TEP1: variants seen among roughly 807,000 people sequenced by gnomAD.
TEP1 encodes telomerase associated protein 1, also known as telomerase protein component 1.
Under a neutral mutation model 306.3 loss-of-function variants are expected in TEP1, and 241 were observed. The observed-to-expected ratio is 0.79, with a 90% CI of 0.71 to 0.88. The LOEUF (loss-of-function observed/expected upper bound fraction) is 0.88, where lower values mean the gene tolerates loss of function less well. Ranked by LOEUF, TEP1 falls within the 40% of genes least tolerant of loss-of-function variation. The probability of loss-of-function intolerance (pLI) is 0.00; values close to 1 mark genes in which losing one functional copy is unlikely to be tolerated. For missense variants in TEP1, 3,051 were observed against 3,276.1 expected (o/e 0.93, Z 1.68); for synonymous variants, 1,289 against 1,305.5 (o/e 0.99, Z 0.27).
Position 20,368,335 on chromosome 14 carries a change from T to G in TEP1, c.*102A>C, listed in dbSNP as rs184339147. 7.3e-4 allele frequency: 1,000 copies of G among 1,361,606 alleles called. 11 individuals carry two copies. In the African/African-American group the frequency reaches 0.013, roughly 18 times the overall value. The allele number at this position is 1,361,606 out of a possible 1,614,324, so 84.3% of individuals were successfully genotyped here. On this transcript the variant is annotated 3_prime_UTR_variant, in exon 55 of 55. Coordinates refer to ENST00000262715, the MANE Select transcript of TEP1 (RefSeq NM_007110.5). ...ATTTTTTGACACTTCATTTTTATAATTATCAAGAAATTATTAATTTTATAA... is the reference window on the plus strand; with the variant it reads ...ATTTTTTGACACTTCATTTTTATAAGTATCAAGAAATTATTAATTTTATAA...
intron 10 of TEP1, 101 bp from the exon 11 acceptor site, chr14:20,396,050 A>G: frequency 1.4e-6 from 1 of 737,232 alleles, no homozygotes; most frequent in Non-Finnish European, 2.2e-6. Flanking sequence ...ACAGAAGGAC[A>G]AAATGAACTT....
In TEP1 at chr14:20,383,976, C is replaced by T. The variant is rs116544464; in HGVS notation, c.3535-58G>A. The T allele has an allele frequency of 1.7e-3, 2,641 of 1,585,506 alleles. 29 individuals are homozygous for T. The African/African-American group carries it at 0.029, about 17-fold the overall frequency. On this transcript the variant is annotated intron_variant, in intron 24 of 54. Coordinates refer to ENST00000262715, the MANE Select transcript of TEP1 (RefSeq NM_007110.5). ...ATTTTACATGCCTGAGCTCCCTGTG[C>T]CTTACCTCCTTAGCCCACACAGCCT...
Position 20,393,763 on chromosome 14 carries a change from C to T in TEP1, c.1928+1687G>A, listed in dbSNP as rs185918146. Among the ~76,000 whole-genome samples the T allele has an allele frequency of 2.5e-4, 36 of 144,480 alleles. No individual in the cohort carries two copies. In the East Asian group the frequency reaches 4.3e-3, roughly 17 times the overall value. 94.8% of individuals were successfully genotyped at this position (144,480 alleles called of 152,430 possible). ...GCTGAGATCACACCAGCCTGGGTGA[C>T]GAAGTGGGACTTTGTCTCAATTAAA... On this transcript the variant is annotated intron_variant, in intron 12 of 54. Coordinates refer to ENST00000262715, the MANE Select transcript of TEP1 (RefSeq NM_007110.5).
At chr14:20,408,796 A>G (rs1879407355) in intron 1 of TEP1, among the ~76,000 whole-genome samples, 1 of 151,978 alleles carries the variant, frequency 6.6e-6, no homozygotes. Context: ...GTGAAACCTC[A>G]TCTCTACAAA....
chr14:20,405,431 C>T lies in TEP1; in HGVS notation c.870+20G>A. The T allele has an allele frequency of 1.2e-6, 2 of 1,613,252 alleles. No homozygotes were observed. The highest frequency in any genetic ancestry group is 1.7e-6 in the Non-Finnish European group (2 of 1,179,634). Reference sequence around the variant, plus strand: ...GTCTACCAGCTTCACACCCCCATCCCCTCCTTCACACCTCAATACCTTGAG... The same window carrying T: ...GTCTACCAGCTTCACACCCCCATCCTCTCCTTCACACCTCAATACCTTGAG... On this transcript the variant is annotated intron_variant, in intron 4 of 54. Transcript: ENST00000262715.
Position 20,385,128 on chromosome 14 carries a change from C to G in TEP1, c.2983-19G>C. The G allele has an allele frequency of 6.2e-7, 1 of 1,613,482 alleles. No homozygotes were observed. Among genetic ancestry groups the G allele is most frequent in the Admixed American group, 1.7e-5 (1 of 60,006 alleles). On this transcript the variant is annotated intron_variant, in intron 20 of 54. Coordinates refer to ENST00000262715, the MANE Select transcript of TEP1 (RefSeq NM_007110.5). ...GCTGGGCCTGCGGGGAGGACAGAGA[C>G]AGTGAGTTTAGTCCTAGGCCACAAT...
chr14:20,405,479 G>C lies in TEP1; in HGVS notation c.842C>G (p.Ala281Gly). Residue 281 changes from alanine (A) to glycine (G), a missense_variant, in exon 4 of 55, where the codon GCC becomes GGC. Coordinates refer to ENST00000262715, the MANE Select transcript of TEP1 (RefSeq NM_007110.5). ...GAGGATAAACTCAGGCTCCAGGAGG[G>C]CAAGTTCACGACAGATTTCAAAAAT... ...AAIFEICREL[A>G]LLEPEFILKA... is the part of the protein sequence containing the mutation. 1.2e-6 allele frequency: 2 copies of C among 1,614,088 alleles called. No homozygotes were observed. The highest frequency in any genetic ancestry group is 1.7e-6 in the Non-Finnish European group (2 of 1,180,002).
rs967060423 is a variant in TEP1, at chr14:20,367,488, C to T, written c.*949G>A. 2 of 152,068 alleles carry T rather than the reference C, an allele frequency of 1.3e-5. No individual in the cohort carries two copies. The highest frequency in any genetic ancestry group is 1.9e-4 in the East Asian group (1 of 5,182). The allele number at this position is 152,068 out of a possible 1,614,324, so 9.4% of individuals were successfully genotyped here. A position where few individuals can be genotyped will look rare whatever the true frequency, so the allele number is the denominator to read the frequency against. On this transcript the variant is annotated 3_prime_UTR_variant, in exon 55 of 55. Transcript: ENST00000262715. ...AATTTGAGAGAGAGTAAGACACTTTCGTGATCTCTTCTGAGAATGCCAATT... is the reference window on the plus strand; with the variant it reads ...AATTTGAGAGAGAGTAAGACACTTTTGTGATCTCTTCTGAGAATGCCAATT...
chr14:20,386,344 C>T, intron 19 of TEP1, 103 bp downstream of exon 19: 1 of 1,577,682 alleles, frequency 6.3e-7, no homozygotes, highest in Admixed American at 1.9e-5. Context: ...CGACTCCCGC[C>T]TTCACCCTCA....
At position 20,384,727 on chromosome 14, in the gene TEP1, A is replaced by G; in HGVS notation, c.3108-14T>C. ...TCTGGCACAGAGCTGACCACCAAAG[A>G]CCCCAAAAGTTGGAATAGACTCAGA... On this transcript the variant is annotated splice_polypyrimidine_tract_variant and intron_variant, in intron 21 of 54. Transcript: ENST00000262715. 6.2e-7 allele frequency: 1 copy of G among 1,606,578 alleles called. No homozygotes were observed. Among genetic ancestry groups the G allele is most frequent in the East Asian group, 2.2e-5 (1 of 44,840 alleles).
Position 20,376,138 on chromosome 14 carries a change from T to G in TEP1, c.6215A>C (p.Asp2072Ala), listed in dbSNP as rs1885162654. The G allele has an allele frequency of 6.2e-7, 1 of 1,614,004 alleles. No individual in the cohort carries two copies. Among genetic ancestry groups the G allele is most frequent in the Non-Finnish European group, 8.5e-7 (1 of 1,180,028 alleles). The change falls in exon 42 of 55, where the codon GAT (aspartate) becomes GCT (alanine). Residue 2072 changes from aspartate to alanine, a missense_variant. Around this residue, in one of 3 missense-constraint regions of TEP1, gnomAD observed 1,540 missense variants for 1,705.9 expected, o/e 0.90. Coordinates refer to ENST00000262715, the MANE Select transcript of TEP1 (RefSeq NM_007110.5). ...GCCCCCGGTGGCCAGGCTGCCTCCA[T>G]CAGTGCTGAAACTACAGCAGCTCAC... The part of the protein sequence containing the change: ...GPVSCCSFST[D>A]GGSLATGGRD...
intron 43 of TEP1, among the ~76,000 whole-genome samples, chr14:20,375,238 C>T (rs1036315038): frequency 9.9e-5 from 15 of 151,994 alleles, no homozygotes; most frequent in African/African-American, 4.8e-5. Flanking sequence ...AATGGCGCGA[C>T]CTCTGCCTCC....
At chr14:20,397,776 C>T (rs1281045759) in intron 9 of TEP1, among the ~76,000 whole-genome samples, 2 of 151,094 alleles carry the variant, frequency 1.3e-5, no homozygotes, top group Non-Finnish European at 2.9e-5. Flanking sequence ...TTTTTTGAGA[C>T]GGAGTCTCAC....
In TEP1 at chr14:20,384,310, G is replaced by A. The variant is rs1017615185; in HGVS notation, c.3340-78C>T. On this transcript the variant is annotated intron_variant, in intron 23 of 54. Coordinates refer to ENST00000262715, the MANE Select transcript of TEP1 (RefSeq NM_007110.5). ...CCAGGCTAAAACTCACAGAGCCCCC[G>A]CCAAGCTACTTCCTCCCCAGGACAA... 25 of 1,608,082 alleles carry A rather than the reference G, an allele frequency of 1.6e-5. 1 individual carries two copies. Among genetic ancestry groups the A allele is most frequent in the Middle Eastern group, 1.7e-4 (1 of 6,054 alleles).
rs760377398 is a variant in TEP1 at position 20,384,192 on chromosome 14, T to C, written c.3380A>G (p.Asp1127Gly). The change falls in exon 24 of 55, where the codon GAT (aspartate) becomes GGT (glycine). Residue 1127 changes from aspartate (D) to glycine (G), a missense_variant. By Grantham distance (94) the Asp-to-Gly change is moderately conservative (BLOSUM62 -1). Coordinates refer to ENST00000262715, the MANE Select transcript of TEP1 (RefSeq NM_007110.5). ...LLEQPVSIPDDDLVQATFQQL... is the reference protein window; with the variant it reads ...LLEQPVSIPDGDLVQATFQQL... ...CTGGAAGGTGGCCTGGACCAAGTCATCGTCTGGGATGGACACTGGCTGCTC... is the reference window on the plus strand; with the variant it reads ...CTGGAAGGTGGCCTGGACCAAGTCACCGTCTGGGATGGACACTGGCTGCTC... 7.4e-6 allele frequency: 12 copies of C among 1,614,042 alleles called. No homozygotes were observed. In the African/African-American group the frequency reaches 1.1e-4, roughly 14 times the overall value.
rs780821432 is a variant in TEP1 at position 20,368,767 on chromosome 14, C to CAT, written c.7761+30_7761+31insAT. 67 of 1,096,154 alleles carry CAT rather than the reference C, an allele frequency of 6.1e-5. No homozygotes were observed. The African/African-American group carries it at 1.1e-3, about 17-fold the overall frequency. 67.9% of individuals were successfully genotyped at this position (1,096,154 alleles called of 1,614,324 possible). On this transcript the variant is annotated intron_variant, in intron 54 of 54. Transcript: ENST00000262715. Reference sequence around the variant, plus strand: ...TGGGATAGGTGTGCAGGCGCACGCACACACACACACACACACACACACACA... The same window carrying CAT: ...TGGGATAGGTGTGCAGGCGCACGCACATACACACACACACACACACACACACA...
At chr14:20,396,347 A>C (rs1412151223) in intron 10 of TEP1, among the ~76,000 whole-genome samples, 2 of 152,244 alleles carry the variant, frequency 1.3e-5, no homozygotes. Context: ...GTTACATCAC[A>C]CAAGTGTCTC....
At position 20,373,913 on chromosome 14, in the gene TEP1, G is replaced by A. The variant is rs930156878; in HGVS notation, c.6472-103C>T. 32 of 1,457,812 alleles carry A rather than the reference G, an allele frequency of 2.2e-5. No individual in the cohort carries two copies. The African/African-American group carries it at 4.2e-4, about 19-fold the overall frequency. 90.3% of individuals were successfully genotyped at this position (1,457,812 alleles called of 1,614,324 possible). A position where few individuals can be genotyped will look rare whatever the true frequency, so the allele number is the denominator to read the frequency against. On this transcript the variant is annotated intron_variant, in intron 44 of 54. Coordinates refer to ENST00000262715, the MANE Select transcript of TEP1 (RefSeq NM_007110.5). ...GTGGAGCATTAGGAGCATGGAAGAT[G>A]TCAATGAGGGAGGAGAACTCAGGAA... is the stretch of plus-strand genomic sequence containing the variant.
Position 20,377,709 on chromosome 14 carries a change from CA to C in TEP1, c.5765del (p.Leu1922ArgfsTer57), listed in dbSNP as rs1885270045. On this transcript the variant is annotated frameshift_variant, in exon 40 of 55. Coordinates refer to ENST00000262715, the MANE Select transcript of TEP1 (RefSeq NM_007110.5). LOFTEE classifies it high-confidence loss of function. ...SGSLGRPRGHLGSLSLSPALS... is the reference protein window; with the variant it reads ...SGSLGRPRGHXGSLSLSPALS... Reference sequence around the variant, plus strand: ...GGGCAGGAGAGAGAGAAAGGGAACCCAGGTGCCCACGGGGCCGACCCAGAGA... The same window carrying C: ...GGGCAGGAGAGAGAGAAAGGGAACCCGGTGCCCACGGGGCCGACCCAGAGA... 1 of 1,613,952 alleles carries C rather than the reference CA, an allele frequency of 6.2e-7. No individual in the cohort carries two copies. Among genetic ancestry groups the C allele is most frequent in the South Asian group, 1.1e-5 (1 of 91,086 alleles).
Sources: gnomAD v4.1 joint callset for allele counts (sites outside exome capture counted in the v4.1 genomes callset) on GRCh38, gnomAD v4.1.1 for gene constraint, gnomAD v4.1.1 regional missense constraint, MANE v1.5 for transcripts, NCBI Gene and HGNC (gene_info 2026-07-23, HGNC 2026-07-21) for gene names.